ZNF385D: variants seen among roughly 807,000 people sequenced by gnomAD.
The protein encoded by ZNF385D is zinc finger protein 659.
Under a neutral mutation model 35.8 loss-of-function variants are expected in ZNF385D, and 15 were observed. The observed-to-expected ratio is 0.42, with a 90% CI of 0.28 to 0.64. The LOEUF (loss-of-function observed/expected upper bound fraction) is 0.64, where lower values mean the gene tolerates loss of function less well. Among genes scored for constraint, ZNF385D ranks in the 30% least tolerant of loss-of-function variants. The pLI, the probability that ZNF385D is intolerant of heterozygous loss-of-function variation, is 0.23. For missense variants in ZNF385D, 474 were observed against 494.6 expected (o/e 0.96, Z 0.39); for synonymous variants, 212 against 186.8 (o/e 1.13, Z -1.10).
intron 3 of ZNF385D, among the ~76,000 whole-genome samples, chr3:21,918,075 T>C (rs1700277525): frequency 6.6e-6 from 1 of 152,236 alleles, no homozygotes; most frequent in South Asian, 2.1e-4. Flanking sequence ...CAAGCTGGAA[T>C]ATTCGAGAAT....
chr3:21,813,347 G>A (rs1265578212), intron 3 of ZNF385D, among the ~76,000 whole-genome samples: 10 of 152,210 alleles, frequency 6.6e-5, no homozygotes, highest in Non-Finnish European at 1.5e-4. Context: ...GACAAAGAAT[G>A]ACTTTGACGA....
chr3:21,809,231 T>C (rs1195979748), intron 3 of ZNF385D, among the ~76,000 whole-genome samples: 1 of 151,566 alleles, frequency 6.6e-6, no homozygotes, highest in Non-Finnish European at 1.5e-5. Context: ...CTTGAAAAAA[T>C]GGAAAAATGG....
chr3:22,107,403 G>A (rs1419437106), intron 3 of ZNF385D, among the ~76,000 whole-genome samples: 1 of 151,774 alleles, frequency 6.6e-6, no homozygotes, highest in Non-Finnish European at 1.5e-5. Context: ...CTGAGAGTCA[G>A]GACTGTAAAA....
intron 3 of ZNF385D, among the ~76,000 whole-genome samples, chr3:21,888,868 C>A (rs181827466): frequency 2.0e-5 from 3 of 152,348 alleles, no homozygotes; most frequent in Admixed American, 2.0e-4. Context: ...TGGCTCCTGT[C>A]TGACCACCTG....
intron 3 of ZNF385D, among the ~76,000 whole-genome samples, chr3:22,125,214 G>A (rs1411643299): frequency 6.6e-6 from 1 of 152,062 alleles, no homozygotes; most frequent in Non-Finnish European, 1.5e-5. Context: ...TGTTAAAAAT[G>A]ACTTCATTGT....
chr3:22,278,503 C>G (rs781073909), intron 2 of ZNF385D, among the ~76,000 whole-genome samples: 2 of 152,090 alleles, frequency 1.3e-5, no homozygotes, highest in African/African-American at 4.8e-5. Context: ...GATCCAATGA[C>G]TTTCCGATAA....
chr3:21,941,420 A>C (rs1259692827), intron 3 of ZNF385D, among the ~76,000 whole-genome samples: 1 of 152,000 alleles, frequency 6.6e-6, no homozygotes, highest in Non-Finnish European at 1.5e-5. Context: ...TGAAGCAAAC[A>C]ATGATCTACC....
chr3:22,274,394 A>G (rs1281096818), intron 2 of ZNF385D, among the ~76,000 whole-genome samples: 3 of 152,028 alleles, frequency 2.0e-5, no homozygotes, highest in Non-Finnish European at 4.4e-5. Context: ...TTAATGATTC[A>G]TAGAAAACAA....
At chr3:21,765,180 A>C (rs914715491) in intron 3 of ZNF385D, among the ~76,000 whole-genome samples, 2 of 152,106 alleles carry the variant, frequency 1.3e-5, no homozygotes, top group Non-Finnish European at 2.9e-5. Context: ...ATACGCATGT[A>C]TAATCTCCTC....
chr3:21,496,414 GATAT>G (rs1028072338), intron 4 of ZNF385D, among the ~76,000 whole-genome samples: 1 of 138,322 alleles, frequency 7.2e-6, no homozygotes, highest in Admixed American at 7.4e-5. Context: ...ACATATATTT[GATAT>G]ATATATCATA....
intron 3 of ZNF385D, among the ~76,000 whole-genome samples, chr3:22,031,119 G>C (rs191879486): frequency 3.9e-5 from 6 of 152,240 alleles, no homozygotes; most frequent in Admixed American, 3.9e-4. Context: ...TCAGCCACGT[G>C]GCTGCTTTCT....
chr3:21,794,637 G>T (rs756296619), intron 3 of ZNF385D, among the ~76,000 whole-genome samples: 3 of 152,104 alleles, frequency 2.0e-5, no homozygotes, highest in Non-Finnish European at 2.9e-5. Context: ...AACTTTGGGG[G>T]TCTCTTTTAT....
At chr3:22,174,160 T>C (rs1401600980) in intron 2 of ZNF385D, among the ~76,000 whole-genome samples, 1 of 152,168 alleles carries the variant, frequency 6.6e-6, no homozygotes, top group Non-Finnish European at 1.5e-5. Context: ...AAAATGAAAG[T>C]ATGTAAAATA....
Position 21,601,181 on chromosome 3 carries a change from A to G in ZNF385D, c.166-36497T>C, listed in dbSNP as rs1258119420. Reference sequence around the variant, plus strand: ...AATTTTAGAAAACAAGGTTGAATCCATATACTCCACTTGATGGGGCACCAA... The same window carrying G: ...AATTTTAGAAAACAAGGTTGAATCCGTATACTCCACTTGATGGGGCACCAA... On this transcript the variant is annotated intron_variant, in intron 2 of 7. Transcript: ENST00000281523. 2.6e-5 allele frequency among the ~76,000 whole-genome samples: 4 copies of G among 152,226 alleles called. No homozygotes were observed. The East Asian group carries it at 7.7e-4, about 29-fold the overall frequency.
intron 3 of ZNF385D, among the ~76,000 whole-genome samples, chr3:21,943,429 T>TACAA (rs939773345): frequency 1.3e-5 from 2 of 151,832 alleles, no homozygotes; most frequent in Admixed American, 6.6e-5. Flanking sequence ...TGATCTTTGA[T>TACAA]AGTATTAATG....
chr3:22,338,823 C>T lies in ZNF385D; in HGVS notation c.106+33627G>A, dbSNP rs528974554. On this transcript the variant is annotated intron_variant, in intron 2 of 5. Coordinates refer to the ZNF385D transcript ENST00000494108. ...TCTAGCAATTCTCCTGCCTCAGCCT[C>T]CTGGGTAGCTGGGATTACAGGCACG... is the stretch of plus-strand genomic sequence containing the variant. Among the ~76,000 whole-genome samples the T allele has an allele frequency of 4.0e-5, 6 of 151,234 alleles. No homozygotes were observed. The South Asian group carries it at 1.3e-3, about 32-fold the overall frequency.
chr3:22,114,193 G>C (rs187994685), intron 3 of ZNF385D, among the ~76,000 whole-genome samples: 2 of 151,888 alleles, frequency 1.3e-5, no homozygotes, highest in Non-Finnish European at 2.9e-5. Context: ...AATTATTATT[G>C]TTTGTATGCT....
chr3:21,937,957 C>T (rs945380261), intron 3 of ZNF385D, among the ~76,000 whole-genome samples: 5 of 152,180 alleles, frequency 3.3e-5, no homozygotes, highest in African/African-American at 1.2e-4. Flanking sequence ...TTTCTTGCAA[C>T]AGTGTCCAAA....
In ZNF385D at chr3:21,512,716, C is replaced by T. The variant is rs187345970; in HGVS notation, c.277-1693G>A. 2.0e-5 allele frequency among the ~76,000 whole-genome samples: 3 copies of T among 152,268 alleles called. No homozygotes were observed. In the East Asian group the frequency reaches 5.8e-4, roughly 29 times the overall value. ...AGACATGCTATAGTTAATTGAGGAA[C>T]CAGCGATAGATTGGATTAAGTTGAT... On this transcript the variant is annotated intron_variant, in intron 3 of 7. Transcript: ENST00000281523.
Sources: gnomAD v4.1 joint callset for allele counts (sites outside exome capture counted in the v4.1 genomes callset) on GRCh38, gnomAD v4.1.1 for gene constraint, MANE v1.5 for transcripts, NCBI Gene and HGNC (gene_info 2026-07-23, HGNC 2026-07-21) for gene names.